PTPN1: variants seen among roughly 807,000 people sequenced by gnomAD.
The protein encoded by PTPN1 is tyrosine-protein phosphatase non-receptor type 1.
Under a neutral mutation model 59.9 loss-of-function variants are expected in PTPN1, and 12 were observed. That is an observed-to-expected ratio of 0.20 (90% CI 0.13 to 0.32). The LOEUF (loss-of-function observed/expected upper bound fraction) is 0.32, where lower values mean the gene tolerates loss of function less well. Among genes scored for constraint, PTPN1 ranks in the 10% least tolerant of loss-of-function variants. The pLI is 1.00. For synonymous variants in PTPN1, 178 were observed against 203.6 expected (o/e 0.87, Z 1.07); for missense variants, 356 against 549.2 (o/e 0.65, Z 3.52).
At chr20:50,534,332 TA>T (rs2082614499) in intron 1 of PTPN1, among the ~76,000 whole-genome samples, 1 of 152,236 alleles carries the variant, frequency 6.6e-6, no homozygotes, top group African/African-American at 2.4e-5. Context: ...CACATTTAAT[TA>T]TTTTTGCCAG....
intron 8 of PTPN1, among the ~76,000 whole-genome samples, chr20:50,580,845 C>T (rs533105614): frequency 6.6e-6 from 1 of 152,226 alleles, no homozygotes; most frequent in South Asian, 2.1e-4. Context: ...ATGTTCTCTC[C>T]CGGTGTTGGG....
Position 50,510,405 on chromosome 20 carries a change from G to T in PTPN1, c.-123G>T. ...GACATGAAGAAGCAGCAGCGGCTAG[G>T]GCGGCGGTAGCTGCAGGGGTCGGGG... is the stretch of plus-strand genomic sequence containing the variant. On this transcript the variant is annotated 5_prime_UTR_variant, in exon 1 of 10. Transcript: ENST00000371621. 1 of 1,047,520 alleles carries T rather than the reference G, an allele frequency of 9.5e-7. No individual in the cohort carries two copies. The highest frequency in any genetic ancestry group is 1.5e-5 in the South Asian group (1 of 67,374). 64.9% of individuals were successfully genotyped at this position (1,047,520 alleles called of 1,614,324 possible).
intron 1 of PTPN1, among the ~76,000 whole-genome samples, chr20:50,545,066 C>T (rs1267893014): frequency 1.3e-5 from 2 of 152,172 alleles, no homozygotes; most frequent in Admixed American, 1.3e-4. Flanking sequence ...ACAGGTTTCT[C>T]CCACCTCTCT....
chr20:50,542,638 C>G (rs1327906927), intron 1 of PTPN1, among the ~76,000 whole-genome samples: 3 of 152,174 alleles, frequency 2.0e-5, no homozygotes, highest in Non-Finnish European at 4.4e-5. Context: ...GGCCCCGGAT[C>G]TGTTTCTAGC....
chr20:50,574,870 AC>A (rs200476108), intron 5 of PTPN1: 14,076 of 514,482 alleles, frequency 0.027, 273 homozygotes, highest in Non-Finnish European at 0.034. Flanking sequence ...ACCTTTAACA[AC>A]AGTTAACACC....
chr20:50,517,468 A>G (rs1203348236), intron 1 of PTPN1, among the ~76,000 whole-genome samples: 1 of 152,156 alleles, frequency 6.6e-6, no homozygotes, highest in Admixed American at 6.6e-5. Context: ...TGTGTTGCCC[A>G]GGCTGGTCTT....
intron 1 of PTPN1, among the ~76,000 whole-genome samples, chr20:50,524,051 A>G (rs1324325313): frequency 2.0e-5 from 3 of 152,068 alleles, no homozygotes; most frequent in Admixed American, 6.5e-5. Flanking sequence ...CTCTTATTGT[A>G]TATATTTTTC....
chr20:50,510,576 G>A lies in PTPN1; in HGVS notation c.49G>A (p.Ala17Thr). 1 of 1,551,166 alleles carries A rather than the reference G, an allele frequency of 6.4e-7. No individual in the cohort carries two copies. The highest frequency in any genetic ancestry group is 8.7e-7 in the Non-Finnish European group (1 of 1,146,744). The change falls in exon 1 of 10, where the codon GCG becomes ACG. Residue 17 changes from alanine (A) to threonine (T), a missense_variant. Transcript: ENST00000371621. ...GCAGATCGACAAGTCCGGGAGCTGG[G>A]CGGCCATTTACCAGGTGCGGGAGCG... The part of the protein sequence containing the change: ...FEQIDKSGSW[A>T]AIYQDIRHEA...
intron 1 of PTPN1, among the ~76,000 whole-genome samples, chr20:50,515,570 G>A (rs546084512): frequency 8.5e-4 from 129 of 152,258 alleles, no homozygotes; most frequent in Non-Finnish European, 1.5e-3. Context: ...GGGATTATAG[G>A]TATGAGACAC....
chr20:50,543,407 T>A (rs4496379), intron 1 of PTPN1, among the ~76,000 whole-genome samples: 72,600 of 152,100 alleles, frequency 0.48, 17,867 homozygotes, highest in Middle Eastern at 0.65. Context: ...CTGCATCATC[T>A]TCTTAAAAAC....
At chr20:50,539,431 A>G (rs2082639020) in intron 1 of PTPN1, among the ~76,000 whole-genome samples, 16 of 152,170 alleles carry the variant, frequency 1.1e-4, no homozygotes, top group Admixed American at 1.0e-3. Flanking sequence ...ACATATTCAT[A>G]ATAGTTTGTC....
intron 1 of PTPN1, among the ~76,000 whole-genome samples, chr20:50,512,573 C>CT (rs930443442): frequency 2.6e-5 from 4 of 152,198 alleles, no homozygotes; most frequent in Admixed American, 6.5e-5. Flanking sequence ...ATTTTCACTG[C>CT]TTCTTAATGG....
intron 1 of PTPN1, among the ~76,000 whole-genome samples, chr20:50,547,300 G>A (rs997055526): frequency 6.6e-6 from 1 of 151,970 alleles, no homozygotes; most frequent in Non-Finnish European, 1.5e-5. Context: ...GGCTCTAGAA[G>A]CTTACTATAA....
intron 1 of PTPN1, among the ~76,000 whole-genome samples, chr20:50,532,514 C>G (rs1271519051): frequency 6.6e-6 from 1 of 152,134 alleles, no homozygotes; most frequent in Non-Finnish European, 1.5e-5. Flanking sequence ...TTGTATTGTC[C>G]TGTAGAATCC....
At chr20:50,530,684 G>C (rs565830512) in intron 1 of PTPN1, among the ~76,000 whole-genome samples, 60 of 150,042 alleles carry the variant, frequency 4.0e-4, no homozygotes, top group African/African-American at 1.4e-3. Flanking sequence ...ACCACGCCTG[G>C]CCAATTTTTT....
At chr20:50,559,313 A>G (rs1399967693) in intron 1 of PTPN1, among the ~76,000 whole-genome samples, 4 of 152,156 alleles carry the variant, frequency 2.6e-5, no homozygotes, top group Non-Finnish European at 5.9e-5. Context: ...TTCTCATTTC[A>G]TGACTGCTGG....
Position 50,561,539 on chromosome 20 carries a change from G to C in PTPN1, c.154+86G>C, listed in dbSNP as rs959306849. On this transcript the variant is annotated intron_variant, in intron 2 of 9. Transcript: ENST00000371621. Reference sequence around the variant, plus strand: ...AAGACTCCTTTCGCCTCAGGGTTTAGTATAATAATAAATCAATGTAGCAGA... The same window carrying C: ...AAGACTCCTTTCGCCTCAGGGTTTACTATAATAATAAATCAATGTAGCAGA... 8.8e-6 allele frequency: 7 copies of C among 798,778 alleles called. No homozygotes were observed. The African/African-American group carries it at 1.1e-4, about 12-fold the overall frequency. 49.5% of individuals were successfully genotyped at this position (798,778 alleles called of 1,614,324 possible).
In PTPN1 at chr20:50,579,950, G is replaced by T. The variant is rs539741004; in HGVS notation, c.1088+24G>T. ...AGGTAATATGATTGGGTCCCAGCTTGTTGGGGTGAGGGGAAATGACTTTCT... is the reference window on the plus strand; with the variant it reads ...AGGTAATATGATTGGGTCCCAGCTTTTTGGGGTGAGGGGAAATGACTTTCT... On this transcript the variant is annotated intron_variant, in intron 8 of 9. Coordinates refer to ENST00000371621, the MANE Select transcript of PTPN1 (RefSeq NM_002827.4). The T allele has an allele frequency of 1.6e-4, 251 of 1,598,154 alleles. 3 individuals are homozygous for T. In the South Asian group the frequency reaches 1.7e-3, roughly 11 times the overall value.
At chr20:50,527,101 AT>A (rs1252273334) in intron 1 of PTPN1, among the ~76,000 whole-genome samples, 2 of 152,088 alleles carry the variant, frequency 1.3e-5, no homozygotes, top group Non-Finnish European at 2.9e-5. Context: ...GCATCTTGCA[AT>A]AAGGGGTTGG....
Sources: allele counts gnomAD v4.1 joint callset (sites outside exome capture counted in the v4.1 genomes callset), GRCh38; gene constraint gnomAD v4.1.1; transcripts MANE v1.5; gene names NCBI Gene and HGNC (gene_info 2026-07-23, HGNC 2026-07-21).